TNRC18: variants seen among roughly 807,000 people sequenced by gnomAD.
TNRC18 encodes the protein trinucleotide repeat containing 18, also known as trinucleotide repeat-containing gene 18 protein.
A neutral mutation model predicts 226.7 loss-of-function variants in TNRC18; 69 were observed. The observed-to-expected ratio is 0.30, with a 90% CI of 0.25 to 0.37. The LOEUF (loss-of-function observed/expected upper bound fraction) is 0.37, where lower values mean the gene tolerates loss of function less well. Ranked by LOEUF, TNRC18 falls within the 10% of genes least tolerant of loss-of-function variation. TNRC18 has a pLI of 1.00. For synonymous variants in TNRC18, 2,449 were observed against 1,927.6 expected (o/e 1.27, Z -7.09); for missense variants, 4,754 against 4,256.6 (o/e 1.12, Z -3.25).
intron 27 of TNRC18, among the ~76,000 whole-genome samples, chr7:5,311,615 A>T (rs1176352126): frequency 1.3e-5 from 2 of 151,984 alleles, no homozygotes; most frequent in Admixed American, 6.6e-5. Flanking sequence ...GGGGTTCAAG[A>T]CCAGCCCAAG....
chr7:5,372,155 C>T (rs1002307367), intron 10 of TNRC18, among the ~76,000 whole-genome samples: 1 of 152,032 alleles, frequency 6.6e-6, no homozygotes, highest in East Asian at 1.9e-4. Context: ...ACAAGCTCCA[C>T]CTCCTGGGTT....
At position 5,374,469 on chromosome 7, in the gene TNRC18, C is replaced by A. The variant is rs1206871844; in HGVS notation, c.2815G>T (p.Ala939Ser). Residue 939 changes from alanine to serine, a missense_variant, in exon 10 of 30, where the codon GCG (alanine) becomes TCG (serine). Ala to Ser is a moderately conservative substitution (Grantham distance 99, BLOSUM62 1). Coordinates refer to ENST00000430969, the MANE Select transcript of TNRC18 (RefSeq NM_001080495.3). ...SAQLVQERLKAQEHRAEMEEK... is the reference protein window; with the variant it reads ...SAQLVQERLKSQEHRAEMEEK... ...TCCATCTCCGCCCGGTGCTCCTGCG[C>A]CTTCAACCGCTCCTGCTGGGAAGGG... 1.3e-6 allele frequency: 2 copies of A among 1,546,656 alleles called. No homozygotes were observed. Among genetic ancestry groups the A allele is most frequent in the African/African-American group, 2.8e-5 (2 of 72,452 alleles).
chr7:5,361,780 C>A, intron 13 of TNRC18, 58 bp from the exon 14 acceptor site: 3 of 1,541,600 alleles, frequency 1.9e-6, no homozygotes, highest in Non-Finnish European at 2.6e-6. Context: ...GCGCGGAGAA[C>A]GGGCACACGA....
chr7:5,376,179 A>G lies in TNRC18; in HGVS notation c.2654T>C (p.Leu885Pro). 1 of 1,561,112 alleles carries G rather than the reference A, an allele frequency of 6.4e-7. No individual in the cohort carries two copies. The highest frequency in any genetic ancestry group is 8.7e-7 in the Non-Finnish European group (1 of 1,154,770). The change falls in exon 9 of 30, where the codon CTG becomes CCG. Residue 885 changes from leucine to proline, a missense_variant. Leu to Pro is a moderately conservative substitution (Grantham distance 98). Coordinates refer to ENST00000430969, the MANE Select transcript of TNRC18 (RefSeq NM_001080495.3). ...RATVPPLWPA[L>P]YPPGRSPLHH... ...CAGGGGGCTGCGGCCCGGCGGGTAC[A>G]GGGCGGGCCAGAGGGGCGGTACGGT... is the stretch of plus-strand genomic sequence containing the variant.
chr7:5,317,395 G>C (rs1357013578), intron 24 of TNRC18, among the ~76,000 whole-genome samples: 1 of 152,118 alleles, frequency 6.6e-6, no homozygotes, highest in East Asian at 1.9e-4. Flanking sequence ...TTCGAGGCCA[G>C]TCAGGCCAAC....
rs1794159181 is a variant in TNRC18, at chr7:5,371,510, G to A, written c.3230-146C>T. On this transcript the variant is annotated intron_variant, in intron 10 of 29. Coordinates refer to ENST00000430969, the MANE Select transcript of TNRC18 (RefSeq NM_001080495.3). The stretch of plus-strand genomic sequence containing the variant: ...TACAGGGTGGGAGCTGTTCTAGGTG[G>A]GATCTCAGAAACCCCAGGGCCATGC... The A allele has an allele frequency of 6.4e-6, 7 of 1,098,612 alleles. No homozygotes were observed. The South Asian group carries it at 1.5e-4, about 23-fold the overall frequency. 68.1% of individuals were successfully genotyped at this position (1,098,612 alleles called of 1,614,324 possible).
intron 11 of TNRC18, among the ~76,000 whole-genome samples, chr7:5,367,312 C>T (rs573788876): frequency 7.1e-4 from 108 of 152,016 alleles, no homozygotes; most frequent in African/African-American, 2.4e-3. Flanking sequence ...TTGCAGTGAG[C>T]GGAGATCACA....
rs1246046068 is a variant in TNRC18, at chr7:5,332,772, G to A, written c.5997C>T (p.Ser1999=). 3.0e-5 allele frequency: 46 copies of A among 1,515,338 alleles called. No homozygotes were observed. In the South Asian group the frequency reaches 4.7e-4, roughly 16 times the overall value. The allele number at this position is 1,515,338 out of a possible 1,614,324, so 93.9% of individuals were successfully genotyped here. A position where few individuals can be genotyped will look rare whatever the true frequency, so the allele number is the denominator to read the frequency against. Residue 1999 remains serine (S), a synonymous_variant, in exon 19 of 30, where the codon AGC becomes AGT. Transcript: ENST00000430969. ...SDDDLWTRRR[S]ERIFLHDASA... ...AGGCGTCGTGCAGGAAGATGCGCTC[G>A]CTGCGGCGCCGCGTCCACAGGTCGT...
At chr7:5,373,257 A>C (rs920881462) in intron 10 of TNRC18, among the ~76,000 whole-genome samples, 1 of 152,156 alleles carries the variant, frequency 6.6e-6, no homozygotes, top group African/African-American at 2.4e-5. Context: ...CCAGGTGTTC[A>C]AGGCTGCAGT....
At chr7:5,323,575 T>TTTTTTTTA (rs1788601434) in intron 21 of TNRC18, among the ~76,000 whole-genome samples, 1 of 149,554 alleles carries the variant, frequency 6.7e-6, no homozygotes, top group African/African-American at 2.5e-5. Flanking sequence ...ACAGTTTTTT[T>TTTTTTTTA]TTTTTTGAGA....
At chr7:5,419,568 C>T (rs966816869) in intron 2 of TNRC18, among the ~76,000 whole-genome samples, 2 of 152,234 alleles carry the variant, frequency 1.3e-5, no homozygotes, top group African/African-American at 4.8e-5. Context: ...CCTCGGGGGT[C>T]CCCCGCGCCC....
At chr7:5,378,241 G>C (rs575050729) in intron 5 of TNRC18, among the ~76,000 whole-genome samples, 1 of 152,030 alleles carries the variant, frequency 6.6e-6, no homozygotes, top group East Asian at 1.9e-4. Context: ...TCATCCATCC[G>C]CTCTGTCATC....
At chr7:5,344,170 T>C (rs1041759725) in intron 18 of TNRC18, among the ~76,000 whole-genome samples, 10 of 152,176 alleles carry the variant, frequency 6.6e-5, no homozygotes, top group Non-Finnish European at 1.5e-5. Context: ...CAAGTGTAAA[T>C]GTCTGAGAGT....
In TNRC18 at chr7:5,377,121, GACAGGGGT is replaced by G; in HGVS notation, c.2462-136_2462-129del. ...GGGGCCTCCAGTGGGGAAGCCAAGG[GACAGGGGT>G]GCTGGCTGGCTGCAAAGAGCACCCC... On this transcript the variant is annotated intron_variant, in intron 7 of 29. Coordinates refer to ENST00000430969, the MANE Select transcript of TNRC18 (RefSeq NM_001080495.3). The surrounding 1 kb of genome is among the most constrained non-coding windows in gnomAD (Gnocchi z 5.8). 1 of 1,364,600 alleles carries G rather than the reference GACAGGGGT, an allele frequency of 7.3e-7. No homozygotes were observed. Among genetic ancestry groups the G allele is most frequent in the Non-Finnish European group, 9.9e-7 (1 of 1,011,116 alleles). 84.5% of individuals were successfully genotyped at this position (1,364,600 alleles called of 1,614,324 possible).
intron 17 of TNRC18, among the ~76,000 whole-genome samples, chr7:5,350,636 A>G (rs1791692495): frequency 1.3e-5 from 2 of 152,204 alleles, no homozygotes; most frequent in South Asian, 4.1e-4. Flanking sequence ...AAAAAATGTC[A>G]GAGATTCACT....
rs1301871996 is a variant in TNRC18, at chr7:5,345,528, C to A, written c.5719+34G>T. ...GGGCAATGGCGTCCGCCCCTCCCACCCACCCCCACCGCAGCCCACCTGCTG... is the reference window on the plus strand; with the variant it reads ...GGGCAATGGCGTCCGCCCCTCCCACACACCCCCACCGCAGCCCACCTGCTG... On this transcript the variant is annotated intron_variant, in intron 18 of 29. Transcript: ENST00000430969. 7 of 534,158 alleles carry A rather than the reference C, an allele frequency of 1.3e-5. 1 individual carries two copies. The highest frequency in any genetic ancestry group is 3.4e-5 in the South Asian group (1 of 29,558). 33.1% of individuals were successfully genotyped at this position (534,158 alleles called of 1,614,324 possible).
chr7:5,414,891 G>A (rs1009325758), intron 2 of TNRC18, among the ~76,000 whole-genome samples: 15 of 152,196 alleles, frequency 9.9e-5, no homozygotes, highest in African/African-American at 3.6e-4. Context: ...CTGATCCCAA[G>A]ATCCAATAGA....
intron 2 of TNRC18, 196 bp downstream of exon 2, chr7:5,420,864 C>T (rs925927037): frequency 3.9e-6 from 3 of 760,686 alleles, no homozygotes; most frequent in Non-Finnish European, 6.8e-6. Flanking sequence ...GAAAAGGTAG[C>T]CGAGCCGCGC....
At chr7:5,325,390 C>G in intron 19 of TNRC18, 142 bp from the exon 20 acceptor site, 1 of 874,758 alleles carries the variant, frequency 1.1e-6, no homozygotes, top group Admixed American at 3.3e-5. Context: ...CCCCTTCTCT[C>G]TCTTCCTGCA....
Sources: allele counts gnomAD v4.1 joint callset (sites outside exome capture counted in the v4.1 genomes callset), GRCh38; gene constraint gnomAD v4.1.1; non-coding constraint Gnocchi (gnomAD v3.1); transcripts MANE v1.5; gene names NCBI Gene and HGNC (gene_info 2026-07-23, HGNC 2026-07-21).